NDE1: variants seen among roughly 807,000 people sequenced by gnomAD.
NDE1 encodes nudE neurodevelopment protein 1, also known as nuclear distribution protein nudE homolog 1.
Under a neutral mutation model 43.4 loss-of-function variants are expected in NDE1, and 28 were observed. The observed-to-expected ratio is 0.65, with a 90% confidence interval of 0.48 to 0.89. The LOEUF (loss-of-function observed/expected upper bound fraction) is 0.89. Among genes scored for constraint, NDE1 ranks in the 40% least tolerant of loss-of-function variants. The pLI, the probability that NDE1 is intolerant of heterozygous loss-of-function variation, is 0.00. For missense variants in NDE1, 441 were observed against 434.1 expected, an observed-to-expected ratio of 1.02 and a Z score of -0.14; for synonymous variants, 184 against 172.0, an observed-to-expected ratio of 1.07 and a Z score of -0.55.
chr16:15,723,467 C>CT (rs942797939), intron 8 of NDE1, among the ~76,000 whole-genome samples: 2 of 152,074 alleles, frequency 1.3e-5, no homozygotes, highest in African/African-American at 4.8e-5. Context: ...GACAACATGG[C>CT]AAAACCCCAT....
rs1443593366 is a variant in NDE1, at chr16:15,714,981, C to T, written c.948-9210C>T. On this transcript the variant is annotated intron_variant, in intron 8 of 8. Coordinates refer to ENST00000396354, the MANE Select transcript of NDE1 (RefSeq NM_017668.3). ...GCTCTCCGTGGCCTCATCCAGCTCC[C>T]GCTGCAGCTTCCTGCGGTTGGCGTT... The T allele has an allele frequency of 8.1e-6, 13 of 1,613,986 alleles. No homozygotes were observed. Among genetic ancestry groups the T allele is most frequent in the East Asian group, 2.2e-5 (1 of 44,886 alleles).
chr16:15,649,616 C>T (rs1281695861), upstream of NDE1: 1 of 152,332 alleles, frequency 6.6e-6, no homozygotes. Flanking sequence ...GACCACCGCG[C>T]CAGACCCATA....
At chr16:15,669,476 C>T (rs2037482196) in intron 3 of NDE1, among the ~76,000 whole-genome samples, 1 of 152,024 alleles carries the variant, frequency 6.6e-6, no homozygotes, top group Non-Finnish European at 1.5e-5. Flanking sequence ...ATTCTCCTGC[C>T]TCAGCCTCCT....
chr16:15,692,633 C>T (rs2038808181), intron 6 of NDE1, among the ~76,000 whole-genome samples: 1 of 152,114 alleles, frequency 6.6e-6, no homozygotes, highest in African/African-American at 2.4e-5. Flanking sequence ...TGGTCTCAAA[C>T]TACTGACCTC....
chr16:15,722,801 C>T lies in NDE1; in HGVS notation c.948-1390C>T, dbSNP rs111527974. ...CATCACTCAGGCTGGGGTGTAGTGG[C>T]GCAATCTTGGCTCACTGCAACCTCC... On this transcript the variant is annotated intron_variant, in intron 8 of 8. Transcript: ENST00000396354. Among the ~76,000 whole-genome samples the T allele has an allele frequency of 5.5e-3, 838 of 152,256 alleles. 7 individuals are homozygous for T. The highest frequency in any genetic ancestry group is 0.018 in the African/African-American group (760 of 41,540).
At chr16:15,675,766 G>A (rs985493230) in intron 3 of NDE1, among the ~76,000 whole-genome samples, 5 of 152,048 alleles carry the variant, frequency 3.3e-5, no homozygotes, top group East Asian at 1.9e-4. Flanking sequence ...AAGCAGAGCC[G>A]GAACAGAATC....
At chr16:15,697,882 C>G (rs541641027) in intron 8 of NDE1, among the ~76,000 whole-genome samples, 31 of 151,330 alleles carry the variant, frequency 2.0e-4, no homozygotes, top group African/African-American at 7.3e-4. Flanking sequence ...TCTCAGCTCA[C>G]TGCAACCTCT....
chr16:15,644,906 A>G (rs1259248727), intron 1 of NDE1, among the ~76,000 whole-genome samples: 4 of 147,252 alleles, frequency 2.7e-5, no homozygotes, highest in Admixed American at 2.0e-4. Context: ...ATGCAGACAC[A>G]TTTCCTTTTT....
exon 1 of NDE1, chr16:15,643,415 G>C: frequency 2.1e-6 from 1 of 471,984 alleles, no homozygotes; most frequent in Non-Finnish European, 4.4e-6. Flanking sequence ...GCTTCACGTT[G>C]TGGAGTCGAA....
In NDE1 at chr16:15,696,703, GT is replaced by G; in HGVS notation, c.796-5del. 6.2e-7 allele frequency: 1 copy of G among 1,614,204 alleles called. No individual in the cohort carries two copies. Among genetic ancestry groups the G allele is most frequent in the Non-Finnish European group, 8.5e-7 (1 of 1,180,036 alleles). On this transcript the variant is annotated splice_region_variant and splice_polypyrimidine_tract_variant and intron_variant, in intron 7 of 8. Coordinates refer to ENST00000396354, the MANE Select transcript of NDE1 (RefSeq NM_017668.3). ...ACTTGAGAGATAAAAGTGTATTTCT[GT>G]CCAGGCACTGGAGTCCAAACTCGCT...
chr16:15,664,972 A>T, intron 2 of NDE1, 111 bp downstream of exon 2: 5 of 809,936 alleles, frequency 6.2e-6, no homozygotes, highest in Admixed American at 2.2e-5. Context: ...CATAGTGCAC[A>T]GCCGCCTTAA....
At chr16:15,692,743 T>C (rs1177084449) in intron 6 of NDE1, among the ~76,000 whole-genome samples, 1 of 151,878 alleles carries the variant, frequency 6.6e-6, no homozygotes, top group African/African-American at 2.4e-5. Flanking sequence ...CTTTATTTCA[T>C]TGTTGTTTTT....
chr16:15,694,514 A>G (rs2038917908), intron 7 of NDE1: 3 of 1,201,462 alleles, frequency 2.5e-6, no homozygotes, highest in African/African-American at 3.1e-5. Context: ...CCTGGCTGAT[A>G]CTTTCATTTT....
chr16:15,674,728 A>G (rs149146889), intron 3 of NDE1, among the ~76,000 whole-genome samples: 1 of 151,762 alleles, frequency 6.6e-6, no homozygotes, highest in East Asian at 1.9e-4. Context: ...TTGCTTTTTG[A>G]GATAGCTGGG....
chr16:15,704,075 A>G lies in NDE1; in HGVS notation c.947+7215A>G, dbSNP rs1461531096. ...AACCATCTGCATTTTCAATAACTCT[A>G]CGTCCTCCAGACCTTCTAGAAGGAA... On this transcript the variant is annotated intron_variant, in intron 8 of 8. Coordinates refer to ENST00000396354, the MANE Select transcript of NDE1 (RefSeq NM_017668.3). 11 of 1,613,928 alleles carry G rather than the reference A, an allele frequency of 6.8e-6. No homozygotes were observed. The highest frequency in any genetic ancestry group is 4.0e-5 in the African/African-American group (3 of 74,870).
intron 3 of NDE1, among the ~76,000 whole-genome samples, chr16:15,673,011 A>G (rs569849917): frequency 6.6e-6 from 1 of 152,318 alleles, no homozygotes; most frequent in South Asian, 2.1e-4. Context: ...GTCTTCTTGC[A>G]CAATGGCTCT....
At chr16:15,663,298 G>A (rs560787591) in intron 1 of NDE1, among the ~76,000 whole-genome samples, 36 of 150,704 alleles carry the variant, frequency 2.4e-4, no homozygotes, top group Admixed American at 1.2e-3. Flanking sequence ...GGAGTGCAGC[G>A]GCACGATCTC....
chr16:15,647,307 A>G (rs2036350021), upstream of NDE1, among the ~76,000 whole-genome samples: 1 of 152,200 alleles, frequency 6.6e-6, no homozygotes, highest in South Asian at 2.1e-4. Context: ...TGTAATAGCT[A>G]AGATCTCTTT....
At chr16:15,658,535 A>C (rs779703885) in intron 1 of NDE1, among the ~76,000 whole-genome samples, 7 of 152,248 alleles carry the variant, frequency 4.6e-5, no homozygotes, top group Non-Finnish European at 1.0e-4. Flanking sequence ...TGAACTCATG[A>C]AATGAGTAGG....
Sources: allele counts gnomAD v4.1 joint callset (sites outside exome capture counted in the v4.1 genomes callset), GRCh38; gene constraint gnomAD v4.1.1; transcripts MANE v1.5; gene names NCBI Gene and HGNC (gene_info 2026-07-23, HGNC 2026-07-21).